The following ARHGAP32 variants were observed in gnomAD, a reference collection of about 807,000 sequenced individuals.
The protein encoded by ARHGAP32 is rho GTPase-activating protein 32.
In ARHGAP32, 51 loss-of-function variants were observed where a neutral mutation model predicts 186.5. The ratio of observed to expected loss-of-function variants is 0.27; its 90% confidence interval spans 0.22 to 0.35. ARHGAP32 has a LOEUF of 0.35. ARHGAP32 is among the 10% of genes least tolerant of loss of function. ARHGAP32 has a pLI of 1.00. For missense variants in ARHGAP32, 2,186 were observed against 2,623.5 expected, an observed-to-expected ratio of 0.83 and a Z score of 3.64; for synonymous variants, 950 against 964.3, an observed-to-expected ratio of 0.99 and a Z score of 0.27.
chr11:129,119,678 AGGAATGCT>A (rs1942470752), intron 5 of ARHGAP32, among the ~76,000 whole-genome samples: 1 of 152,072 alleles, frequency 6.6e-6, no homozygotes, highest in African/African-American at 2.4e-5. Context: ...GAGGGAGATG[AGGAATGCT>A]GGTGACTATA....
At chr11:129,096,523 C>G (rs946587134) in intron 5 of ARHGAP32, among the ~76,000 whole-genome samples, 1 of 152,134 alleles carries the variant, frequency 6.6e-6, no homozygotes, top group Non-Finnish European at 1.5e-5. Context: ...CCCTATACCC[C>G]CCCGGCCCCG....
intron 11 of ARHGAP32, among the ~76,000 whole-genome samples, chr11:129,009,916 C>G (rs1937989182): frequency 6.6e-6 from 1 of 152,240 alleles, no homozygotes; most frequent in African/African-American, 2.4e-5. Context: ...AATGGTTGAA[C>G]TAATTTACAT....
At chr11:129,208,833 CA>C (rs1944546735) in intron 1 of ARHGAP32, among the ~76,000 whole-genome samples, 1 of 151,660 alleles carries the variant, frequency 6.6e-6, no homozygotes, top group African/African-American at 2.4e-5. Context: ...AAACAAGTGA[CA>C]AAAAAGAGTG....
At chr11:128,977,873 T>C (rs1408999025) in intron 19 of ARHGAP32, among the ~76,000 whole-genome samples, 2 of 147,104 alleles carry the variant, frequency 1.4e-5, no homozygotes, top group African/African-American at 2.5e-5. Context: ...ATTATTATTA[T>C]TATTATTATT....
At chr11:128,996,526 T>C (rs946890611) in intron 12 of ARHGAP32, among the ~76,000 whole-genome samples, 2 of 152,188 alleles carry the variant, frequency 1.3e-5, no homozygotes, top group Non-Finnish European at 2.9e-5. Flanking sequence ...TCAATTCACA[T>C]TGGCAATTTT....
chr11:129,056,293 A>C (rs1207343637), intron 10 of ARHGAP32, among the ~76,000 whole-genome samples: 1 of 152,142 alleles, frequency 6.6e-6, no homozygotes, highest in African/African-American at 2.4e-5. Context: ...TATTATTTTT[A>C]TTTTTGACAA....
intron 11 of ARHGAP32, among the ~76,000 whole-genome samples, chr11:129,025,638 G>A (rs925967256): frequency 1.3e-5 from 2 of 151,572 alleles, no homozygotes; most frequent in Non-Finnish European, 2.9e-5. Flanking sequence ...GAGGGCAAGG[G>A]AAAAACAAAA....
chr11:129,216,483 A>T lies in ARHGAP32; in HGVS notation c.-4-52056T>A, dbSNP rs907746005. Among the ~76,000 whole-genome samples the T allele has an allele frequency of 9.9e-5, 15 of 151,900 alleles. 1 individual carries two copies. Among genetic ancestry groups the T allele is most frequent in the Admixed American group, 7.9e-4 (12 of 15,236 alleles). On this transcript the variant is annotated intron_variant, in intron 1 of 6. Transcript: ENST00000525234. The stretch of plus-strand genomic sequence containing the variant: ...TATTACTTGAGGTTAGGAGTTCGAG[A>T]TCAGCCTGGTGAAATCCTGACCTTC...
At chr11:129,170,986 A>T (rs1237469206) in intron 1 of ARHGAP32, among the ~76,000 whole-genome samples, 1 of 152,202 alleles carries the variant, frequency 6.6e-6, no homozygotes, top group Admixed American at 6.5e-5. Flanking sequence ...GTGTCTGTTC[A>T]TATCCTTTGC....
rs952352522 is a variant in ARHGAP32 at position 129,260,428 on chromosome 11, C to A, written c.-5+18718G>T. ...AGATAAAAAGTGAATAAATTTATTACGGGCTTTCATACAGAGTTATAAACT... is the reference window on the plus strand; with the variant it reads ...AGATAAAAAGTGAATAAATTTATTAAGGGCTTTCATACAGAGTTATAAACT... On this transcript the variant is annotated intron_variant, in intron 1 of 6. Transcript: ENST00000525234. 2.0e-5 allele frequency among the ~76,000 whole-genome samples: 3 copies of A among 151,922 alleles called. No homozygotes were observed. In the East Asian group the frequency reaches 5.8e-4, roughly 29 times the overall value.
chr11:129,037,550 G>T (rs746729924), intron 11 of ARHGAP32, among the ~76,000 whole-genome samples: 1 of 151,852 alleles, frequency 6.6e-6, no homozygotes, highest in Non-Finnish European at 1.5e-5. Flanking sequence ...AACATCCCTT[G>T]TTCAGGGATT....
chr11:129,257,940 A>G (rs930451281), intron 1 of ARHGAP32, among the ~76,000 whole-genome samples: 15 of 152,176 alleles, frequency 9.9e-5, no homozygotes, highest in African/African-American at 3.4e-4. Flanking sequence ...ATAGGTGTGA[A>G]AAATGCTATT....
At chr11:129,202,763 ATT>A (rs1204160820) in intron 1 of ARHGAP32, among the ~76,000 whole-genome samples, 1 of 152,156 alleles carries the variant, frequency 6.6e-6, no homozygotes, top group Non-Finnish European at 1.5e-5. Context: ...CCAACCCAAT[ATT>A]TACTGTTGAA....
chr11:129,140,379 C>T (rs1943026058), intron 2 of ARHGAP32, among the ~76,000 whole-genome samples: 1 of 152,212 alleles, frequency 6.6e-6, no homozygotes, highest in Non-Finnish European at 1.5e-5. Context: ...AGACTTCTAA[C>T]ATGCAGAACT....
intron 1 of ARHGAP32, among the ~76,000 whole-genome samples, chr11:129,245,676 A>C: frequency 7.5e-6 from 1 of 132,844 alleles, no homozygotes; most frequent in South Asian, 2.2e-4. Flanking sequence ...AATAATAATA[A>C]TAATAATAAT....
chr11:129,109,441 G>C (rs914998130), intron 5 of ARHGAP32, among the ~76,000 whole-genome samples: 1 of 152,054 alleles, frequency 6.6e-6, no homozygotes, highest in African/African-American at 2.4e-5. Context: ...TACATATGCA[G>C]TAGTGTAATT....
upstream of ARHGAP32, among the ~76,000 whole-genome samples, chr11:129,197,059 A>G (rs1944401653): frequency 6.6e-6 from 1 of 152,178 alleles, no homozygotes; most frequent in South Asian, 2.1e-4. Context: ...TCCATCTCAA[A>G]AAAAAATAAA....
At chr11:129,068,970 T>C (rs941762959) in intron 6 of ARHGAP32, among the ~76,000 whole-genome samples, 2 of 152,108 alleles carry the variant, frequency 1.3e-5, no homozygotes, top group Non-Finnish European at 2.9e-5. Flanking sequence ...AAAGAACAAG[T>C]ATGAAAATAA....
chr11:129,048,167 A>G (rs934362794), intron 10 of ARHGAP32, among the ~76,000 whole-genome samples: 11 of 151,546 alleles, frequency 7.3e-5, no homozygotes, highest in African/African-American at 2.7e-4. Context: ...TCAACTCCCT[A>G]ATTTCCATTT....
Sources: gnomAD v4.1 joint callset for allele counts (sites outside exome capture counted in the v4.1 genomes callset) on GRCh38, gnomAD v4.1.1 for gene constraint, MANE v1.5 for transcripts, NCBI Gene and HGNC (gene_info 2026-07-23, HGNC 2026-07-21) for gene names.